Variants in TYRP1 observed in about 807,000 individuals in gnomAD.
TYRP1 encodes the protein tyrosinase related protein 1.
Under a neutral mutation model 42.8 loss-of-function variants are expected in TYRP1, and 49 were observed. The observed-to-expected ratio is 1.14, with a 90% CI of 0.91 to 1.45. The LOEUF (loss-of-function observed/expected upper bound fraction) is 1.45, where lower values mean the gene tolerates loss of function less well. TYRP1 is among the 40% of genes most tolerant of loss of function. TYRP1 has a pLI of 0.00. For synonymous variants in TYRP1, 279 were observed against 235.4 expected (o/e 1.19, Z -1.69); for missense variants, 848 against 662.0 (o/e 1.28, Z -3.08).
chr9:12,698,300 C>T (rs1818108870), intron 3 of TYRP1, 151 bp from the exon 4 acceptor site: 1 of 760,376 alleles, frequency 1.3e-6, no homozygotes, highest in Admixed American at 2.1e-5. Flanking sequence ...GGTTTTAACT[C>T]CTCTGGGCCC....
rs766719125 is a variant in TYRP1, at chr9:12,708,022, T to G, written c.1287T>G (p.Asn429Lys). ...ATATATCCACATTTCCATTGGAAAATGCCCCTATTGGACATAATAGACAAT... is the reference window on the plus strand; with the variant it reads ...ATATATCCACATTTCCATTGGAAAAGGCCCCTATTGGACATAATAGACAAT... ...NADISTFPLE[N>K]APIGHNRQYN... is the part of the protein sequence containing the mutation. The change falls in exon 7 of 8, where the codon AAT (asparagine) becomes AAG (lysine). Residue 429 changes from asparagine to lysine, a missense_variant. Physicochemically the swap from Asn to Lys is moderately conservative, Grantham distance 94. Transcript: ENST00000388918. 31 of 1,612,150 alleles carry G rather than the reference T, an allele frequency of 1.9e-5. No homozygotes were observed. Among genetic ancestry groups the G allele is most frequent in the Non-Finnish European group, 2.6e-5 (31 of 1,178,910 alleles).
chr9:12,699,332 C>T (rs1818128654), intron 4 of TYRP1, among the ~76,000 whole-genome samples: 2 of 151,686 alleles, frequency 1.3e-5, no homozygotes, highest in East Asian at 2.0e-4. Flanking sequence ...TGTTCTCCTC[C>T]TTGGATCATA....
At chr9:12,706,511 G>T (rs1818260739) in intron 6 of TYRP1, among the ~76,000 whole-genome samples, 1 of 151,938 alleles carries the variant, frequency 6.6e-6, no homozygotes, top group African/African-American at 2.4e-5. Context: ...TGCAATATGT[G>T]TAGCATAAGG....
Position 12,704,558 on chromosome 9 carries a change from G to C in TYRP1, c.1114G>C (p.Ala372Pro). Residue 372 changes from alanine (A) to proline (P), a missense_variant, in exon 6 of 8, where the codon GCT becomes CCT. Physicochemically the swap from Ala to Pro is conservative, Grantham distance 27. Transcript: ENST00000388918. ...YSDPTGKYDP[A>P]VRSLHNLAHL... ...TGACCCCACGGGAAAGTATGACCCT[G>C]CTGTTCGAAGTCTTCACAATTTGGC... 2.5e-6 allele frequency: 4 copies of C among 1,612,822 alleles called. No individual in the cohort carries two copies. Among genetic ancestry groups the C allele is most frequent in the Non-Finnish European group, 3.4e-6 (4 of 1,179,422 alleles).
At chr9:12,698,771 T>G (rs1051283679) in intron 4 of TYRP1, 116 bp downstream of exon 4, 21 of 1,002,194 alleles carry the variant, frequency 2.1e-5, no homozygotes, top group Non-Finnish European at 3.2e-5. Flanking sequence ...CTACTTTTAT[T>G]ATAGAGTAAC....
At chr9:12,694,842 A>G (rs1015221349) in intron 2 of TYRP1, among the ~76,000 whole-genome samples, 1 of 152,226 alleles carries the variant, frequency 6.6e-6, no homozygotes, top group African/African-American at 2.4e-5. Flanking sequence ...GATCAAATTC[A>G]GCATTTGAGA....
At chr9:12,708,255 A>G in intron 7 of TYRP1, 112 bp downstream of exon 7, 1 of 1,334,772 alleles carries the variant, frequency 7.5e-7, no homozygotes, top group Non-Finnish European at 1.1e-6. Context: ...TGGACTTGGA[A>G]ACTTTCATTT....
intron 5 of TYRP1, 35 bp from the exon 6 acceptor site, chr9:12,704,491 T>C (rs760098763): frequency 2.5e-6 from 4 of 1,596,964 alleles, no homozygotes; most frequent in Admixed American, 3.4e-5. Context: ...ATATTTGCAA[T>C]AGTTTTACTA....
Position 12,693,982 on chromosome 9 carries a change from C to CT in TYRP1, c.-13dup. The CT allele has an allele frequency of 6.2e-7, 1 of 1,613,636 alleles. No homozygotes were observed. Among genetic ancestry groups the CT allele is most frequent in the South Asian group, 1.1e-5 (1 of 90,996 alleles). ...GCAAACCAGGTCTTTGTTTTGCACT[C>CT]TTATTTCAAGCAGAATGAGTGCTCC... On this transcript the variant is annotated 5_prime_UTR_variant, in exon 2 of 8. Transcript: ENST00000388918.
chr9:12,706,403 A>G (rs991930756), intron 6 of TYRP1, among the ~76,000 whole-genome samples: 2 of 152,040 alleles, frequency 1.3e-5, no homozygotes, highest in African/African-American at 4.8e-5. Context: ...TTTCACATTG[A>G]TAGCAAGTTG....
At chr9:12,705,100 C>A (rs1377409574) in intron 6 of TYRP1, among the ~76,000 whole-genome samples, 1 of 151,952 alleles carries the variant, frequency 6.6e-6, no homozygotes, top group Non-Finnish European at 1.5e-5. Flanking sequence ...AAATTTTATA[C>A]CCATAATCCA....
chr9:12,702,473 AGTTAT>A, intron 5 of TYRP1, 35 bp downstream of exon 5: 8 of 1,601,006 alleles, frequency 5.0e-6, no homozygotes, highest in Admixed American at 1.7e-5. Flanking sequence ...TAAAAGATCT[AGTTAT>A]CAGAGAAAAC....
chr9:12,698,228 A>G (rs1029781022), intron 3 of TYRP1, among the ~76,000 whole-genome samples: 5 of 152,118 alleles, frequency 3.3e-5, no homozygotes, highest in Non-Finnish European at 5.9e-5. Flanking sequence ...TAATGAGTTG[A>G]GTTTCATTCC....
At chr9:12,697,726 T>A (rs531549048) in intron 3 of TYRP1, among the ~76,000 whole-genome samples, 1 of 152,162 alleles carries the variant, frequency 6.6e-6, no homozygotes, top group Non-Finnish European at 1.5e-5. Flanking sequence ...GAGGCCAGCA[T>A]TTTTAAAAAT....
chr9:12,694,600 A>G, intron 2 of TYRP1: 1 of 607,368 alleles, frequency 1.6e-6, no homozygotes, highest in Non-Finnish European at 2.8e-6. Flanking sequence ...TTTATTCTGA[A>G]ACATTTATTG....
In TYRP1 at chr9:12,709,557, G is replaced by T; in HGVS notation, c.*375G>T. Reference sequence around the variant, plus strand: ...AAATGTCCACTTAAAATACATGAATGGGCATTTCTAAAATGTTAAAACATA... The same window carrying T: ...AAATGTCCACTTAAAATACATGAATTGGCATTTCTAAAATGTTAAAACATA... On this transcript the variant is annotated 3_prime_UTR_variant, in exon 8 of 8. Transcript: ENST00000388918. 1 of 205,488 alleles carries T rather than the reference G, an allele frequency of 4.9e-6. No individual in the cohort carries two copies. The highest frequency in any genetic ancestry group is 1.0e-5 in the Non-Finnish European group (1 of 99,142). The allele number at this position is 205,488 out of a possible 1,614,324, so 12.7% of individuals were successfully genotyped here.
chr9:12,698,553 A>T lies in TYRP1; in HGVS notation c.811A>T (p.Asn271Tyr). The change falls in exon 4 of 8, where the codon AAC becomes TAC. Residue 271 changes from asparagine (N) to tyrosine (Y), a missense_variant. Coordinates refer to ENST00000388918, the MANE Select transcript of TYRP1 (RefSeq NM_000550.3). ...CTDDLMGSRSNFDSTLISPNS... is the reference protein window; with the variant it reads ...CTDDLMGSRSYFDSTLISPNS... ...GGATGACTTGATGGGATCCAGAAGC[A>T]ACTTTGATTCCACTCTAATAAGCCC... 1 of 1,613,870 alleles carries T rather than the reference A, an allele frequency of 6.2e-7. No individual in the cohort carries two copies. The highest frequency in any genetic ancestry group is 8.5e-7 in the Non-Finnish European group (1 of 1,179,842).
chr9:12,695,828 A>C lies in TYRP1; in HGVS notation c.699A>C (p.Lys233Asn). Residue 233 changes from lysine (K) to asparagine (N), a missense_variant, in exon 3 of 8, where the codon AAA becomes AAC. Lys to Asn is a moderately conservative substitution (Grantham distance 94). Transcript: ENST00000388918. ...WHRYHLLRLE[K>N]DMQEMLQEPS... Reference sequence around the variant, plus strand: ...GGTACCACCTCCTGCGTCTGGAGAAAGACATGCAGGTATGTAAGAAGCATT... The same window carrying C: ...GGTACCACCTCCTGCGTCTGGAGAACGACATGCAGGTATGTAAGAAGCATT... 1.2e-6 allele frequency: 2 copies of C among 1,614,048 alleles called. No homozygotes were observed. The highest frequency in any genetic ancestry group is 1.7e-6 in the Non-Finnish European group (2 of 1,179,986).
intron 5 of TYRP1, among the ~76,000 whole-genome samples, chr9:12,703,246 C>T (rs1192140065): frequency 6.6e-6 from 1 of 151,852 alleles, no homozygotes; most frequent in Non-Finnish European, 1.5e-5. Context: ...TGCATCCCAT[C>T]TCCCCAAAAA....
Sources: allele counts gnomAD v4.1 joint callset (sites outside exome capture counted in the v4.1 genomes callset), GRCh38; gene constraint gnomAD v4.1.1; transcripts MANE v1.5; gene names NCBI Gene and HGNC (gene_info 2026-07-23, HGNC 2026-07-21).